DNM2: variants seen among roughly 807,000 people sequenced by gnomAD.
DNM2 encodes the protein dynamin-2.
A neutral mutation model predicts 99.0 loss-of-function variants in DNM2; 15 were observed. The observed-to-expected ratio is 0.15, with a 90% CI of 0.10 to 0.23. The LOEUF is 0.23. DNM2 is among the 10% of genes least tolerant of loss of function. The pLI, the probability that DNM2 is intolerant of heterozygous loss-of-function variation, is 1.00. For missense variants in DNM2, 742 were observed against 1,189.4 expected, an observed-to-expected ratio of 0.62 and a Z score of 5.53; for synonymous variants, 525 against 481.2, an observed-to-expected ratio of 1.09 and a Z score of -1.19.
intron 8 of DNM2, among the ~76,000 whole-genome samples, chr19:10,794,497 C>T (rs377038081): frequency 3.9e-5 from 6 of 152,140 alleles, no homozygotes; most frequent in Admixed American, 2.0e-4. Context: ...GCCTATAATC[C>T]GTGGGAGGCC....
chr19:10,828,478 T>G (rs971435872), intron 18 of DNM2, among the ~76,000 whole-genome samples: 2 of 151,830 alleles, frequency 1.3e-5, no homozygotes, highest in Non-Finnish European at 2.9e-5. Context: ...TCCCAGCTAC[T>G]TGGGAGACTG....
intron 1 of DNM2, among the ~76,000 whole-genome samples, chr19:10,722,861 A>G (rs894028130): frequency 3.3e-5 from 5 of 151,646 alleles, no homozygotes; most frequent in African/African-American, 4.9e-5. Flanking sequence ...TCCTCGCCTC[A>G]AATGATCCTC....
rs148626494 is a variant in DNM2, at chr19:10,824,811, A to C, written c.1894-246A>C. The C allele has an allele frequency of 9.7e-4, 544 of 563,494 alleles. 3 individuals carry two copies. The highest frequency in any genetic ancestry group is 8.7e-3 in the East Asian group (280 of 32,038). 34.9% of individuals were successfully genotyped at this position (563,494 alleles called of 1,614,324 possible). A position where few individuals can be genotyped will look rare whatever the true frequency, so the allele number is the denominator to read the frequency against. ...GTGACATAGCAAGACTGTGTCAAAAAAAAACAAAACAAAAAAACAACGTTC... is the reference window on the plus strand; with the variant it reads ...GTGACATAGCAAGACTGTGTCAAAACAAAACAAAACAAAAAAACAACGTTC... On this transcript the variant is annotated intron_variant, in intron 17 of 20. Coordinates refer to ENST00000389253, the MANE Select transcript of DNM2 (RefSeq NM_001005361.3).
intron 17 of DNM2, chr19:10,824,711 G>A (rs2073087137): frequency 8.1e-6 from 3 of 370,464 alleles, no homozygotes; most frequent in Non-Finnish European, 1.5e-5. Context: ...CGCTGAGGTG[G>A]GAGGATCACT....
At chr19:10,800,731 T>C (rs778576819) in intron 11 of DNM2, among the ~76,000 whole-genome samples, 1 of 152,242 alleles carries the variant, frequency 6.6e-6, no homozygotes, top group Non-Finnish European at 1.5e-5. Flanking sequence ...CAGCCTGGCC[T>C]GTTATAAATG....
rs747522254 is a variant in DNM2 at position 10,786,561 on chromosome 19, C to T, written c.850-3C>T. The T allele has an allele frequency of 2.5e-6, 4 of 1,614,150 alleles. No individual in the cohort carries two copies. The South Asian group carries it at 4.4e-5, about 18-fold the overall frequency. ...TTTCTGATCTCTGACCTCTCTCCTG[C>T]AGCAACTGACCAACCACATCCGGGA... is the stretch of plus-strand genomic sequence containing the variant. On this transcript the variant is annotated splice_polypyrimidine_tract_variant and splice_region_variant and intron_variant, in intron 6 of 20. Transcript: ENST00000389253.
intron 8 of DNM2, 147 bp downstream of exon 8, chr19:10,794,002 T>C: frequency 7.7e-7 from 1 of 1,292,626 alleles, no homozygotes; most frequent in Admixed American, 2.0e-5. Flanking sequence ...CTGGATGAGG[T>C]GTCCCCATGG....
rs373886767 is a variant in DNM2 at position 10,795,343 on chromosome 19, A to G, written c.1129-29A>G. On this transcript the variant is annotated intron_variant, in intron 8 of 20. Transcript: ENST00000389253. The surrounding 1 kb of genome is among the most constrained non-coding windows in gnomAD (Gnocchi z 4.2). ...CCACGGGGGCGCCCCGGGTGCCTCC[A>G]TGCATGTGCTTGGTTTGTCTCTTCT... is the stretch of plus-strand genomic sequence containing the variant. 6.2e-6 allele frequency: 10 copies of G among 1,613,992 alleles called. No individual in the cohort carries two copies. Among genetic ancestry groups the G allele is most frequent in the Middle Eastern group, 3.3e-4 (2 of 6,062 alleles).
rs1033901723 is a variant in DNM2, at chr19:10,718,110, G to A, written c.-133G>A. ...CGGATGAGGCGGCGACCGTGAGGCC[G>A]AGCCGGGAGCGGGCGTCTTGCCGAG... is the stretch of plus-strand genomic sequence containing the variant. On this transcript the variant is annotated 5_prime_UTR_variant, in exon 1 of 21. Transcript: ENST00000389253. 4.6e-6 allele frequency: 5 copies of A among 1,081,270 alleles called. No homozygotes were observed. Among genetic ancestry groups the A allele is most frequent in the East Asian group, 3.5e-5 (1 of 28,378 alleles). The allele number at this position is 1,081,270 out of a possible 1,614,324, so 67.0% of individuals were successfully genotyped here. A position where few individuals can be genotyped will look rare whatever the true frequency, so the allele number is the denominator to read the frequency against.
intron 11 of DNM2, among the ~76,000 whole-genome samples, chr19:10,798,780 A>G (rs544451878): frequency 5.3e-5 from 8 of 151,842 alleles, no homozygotes; most frequent in Non-Finnish European, 1.2e-4. Flanking sequence ...ATCAAGATAC[A>G]GAGCGGTTCC....
At chr19:10,793,529 G>C (rs2071825889) in intron 7 of DNM2, among the ~76,000 whole-genome samples, 191 bp from the exon 8 acceptor site, 2 of 152,218 alleles carry the variant, frequency 1.3e-5, no homozygotes, top group African/African-American at 2.4e-5. Context: ...GGCTTAGCTT[G>C]AGCCTGACTC....
chr19:10,812,290 C>T lies in DNM2; in HGVS notation c.1584C>T (p.Ile528=), dbSNP rs935512495. The change falls in exon 15 of 21, where the codon ATC becomes ATT. Residue 528 remains isoleucine, a synonymous_variant. Coordinates refer to ENST00000389253, the MANE Select transcript of DNM2 (RefSeq NM_001005361.3). The surrounding 1 kb of genome is among the most constrained non-coding windows in gnomAD (Gnocchi z 4.0). ...TGATCCGCAGGGGCTGGCTGACCAT[C>T]AACAACATCAGCCTGATGAAAGGCG... ...ILVIRRGWLT[I]NNISLMKGGS... 1.2e-6 allele frequency: 2 copies of T among 1,608,074 alleles called. No homozygotes were observed. Among genetic ancestry groups the T allele is most frequent in the Non-Finnish European group, 1.7e-6 (2 of 1,177,024 alleles).
intron 4 of DNM2, 79 bp from the exon 5 acceptor site, chr19:10,777,039 A>G (rs1268033493): frequency 1.1e-5 from 15 of 1,413,926 alleles, no homozygotes; most frequent in Non-Finnish European, 6.0e-6. Flanking sequence ...GGCCAACTGG[A>G]CCCCAGGTGG....
At position 10,829,041 on chromosome 19, in the gene DNM2, G is replaced by A. The variant is rs930737609; in HGVS notation, c.2064G>A (p.Lys688=). 1 of 1,613,018 alleles carries A rather than the reference G, an allele frequency of 6.2e-7. No homozygotes were observed. Residue 688 remains lysine (K), a synonymous_variant, in exon 19 of 21, where the codon AAG becomes AAA. Transcript: ENST00000389253. ...TCCCCAACCCCTGCCCGCAGACGAAGGCCTTCATCCACCACGAGCTGCTGG... is the reference window on the plus strand; with the variant it reads ...TCCCCAACCCCTGCCCGCAGACGAAAGCCTTCATCCACCACGAGCTGCTGG... ...TIMHLMINNT[K]AFIHHELLAY... is the part of the protein sequence containing the mutation.
intron 6 of DNM2, among the ~76,000 whole-genome samples, chr19:10,785,882 C>T (rs962192151): frequency 6.7e-6 from 1 of 149,208 alleles, no homozygotes; most frequent in Admixed American, 6.7e-5. Flanking sequence ...GTGATCTCGG[C>T]CCACTGCAAC....
At chr19:10,762,317 C>T (rs2070660447) in intron 2 of DNM2, among the ~76,000 whole-genome samples, 1 of 152,154 alleles carries the variant, frequency 6.6e-6, no homozygotes, top group African/African-American at 2.4e-5. Context: ...GGATTACAGG[C>T]GTGAGCCACT....
rs911648223 is a variant in DNM2, at chr19:10,795,182, A to C, written c.1129-190A>C. Among the ~76,000 whole-genome samples the C allele has an allele frequency of 2.6e-5, 4 of 152,176 alleles. No homozygotes were observed. Among genetic ancestry groups the C allele is most frequent in the Non-Finnish European group, 5.9e-5 (4 of 68,046 alleles). On this transcript the variant is annotated intron_variant, in intron 8 of 20. Transcript: ENST00000389253. This position sits in a 1 kb window ranked among gnomAD's most constrained non-coding sequence, Gnocchi z 4.2. ...GCCATCTGCCTGCCTTGGCCTCCCAAAGTGCTGAGATTACAGGTGTGAGCC... is the reference window on the plus strand; with the variant it reads ...GCCATCTGCCTGCCTTGGCCTCCCACAGTGCTGAGATTACAGGTGTGAGCC...
At chr19:10,819,870 C>A (rs2072916579) in intron 15 of DNM2, 110 bp from the exon 16 acceptor site, 1 of 974,670 alleles carries the variant, frequency 1.0e-6, no homozygotes, top group Non-Finnish European at 1.7e-6. Context: ...CAGCGACCAG[C>A]ATTGAGAAGC....
chr19:10,761,990 AGTTTTCT>A (rs1944683166), intron 2 of DNM2, among the ~76,000 whole-genome samples: 1 of 152,188 alleles, frequency 6.6e-6, no homozygotes, highest in Admixed American at 6.5e-5. Context: ...CAGTGTTGGT[AGTTTTCT>A]GTTTCTCATT....
Sources: allele counts gnomAD v4.1 joint callset (sites outside exome capture counted in the v4.1 genomes callset), GRCh38; gene constraint gnomAD v4.1.1; non-coding constraint Gnocchi (gnomAD v3.1); transcripts MANE v1.5; gene names NCBI Gene and HGNC (gene_info 2026-07-23, HGNC 2026-07-21).